The following RPGRIP1L variants were observed in gnomAD, a reference collection of about 807,000 sequenced individuals.
The protein encoded by RPGRIP1L is RPGRIP1 like.
Under a neutral mutation model 160.4 loss-of-function variants are expected in RPGRIP1L, and 131 were observed. That is an observed-to-expected ratio of 0.82 (90% confidence interval 0.71 to 0.94). The LOEUF is 0.94. Ranked by LOEUF, RPGRIP1L falls within the 40% of genes least tolerant of loss-of-function variation. RPGRIP1L has a pLI of 0.00. For missense variants in RPGRIP1L, 1,522 were observed against 1,535.8 expected (o/e 0.99, Z 0.15); for synonymous variants, 510 against 515.8 (o/e 0.99, Z 0.15).
chr16:53,672,899 T>C lies in RPGRIP1L; in HGVS notation c.1000A>G (p.Met334Val), dbSNP rs1182455258. The C allele has an allele frequency of 1.9e-6, 3 of 1,613,026 alleles. No individual in the cohort carries two copies. The highest frequency in any genetic ancestry group is 1.3e-5 in the African/African-American group (1 of 74,918). Residue 334 changes from methionine (M) to valine (V), a missense_variant, in exon 8 of 27, where the codon ATG becomes GTG. Met to Val is a conservative substitution (Grantham distance 21). Coordinates refer to ENST00000647211, the MANE Select transcript of RPGRIP1L (RefSeq NM_015272.5). ...CCSLEKQLHS[M>V]KFSERRIEEL... ...TCTATTCTTCTTTCAGAAAACTTCA[T>C]AGAATGTAATTGTTTCTCAAGACTG...
chr16:53,628,717 TC>T (rs1364458183), intron 22 of RPGRIP1L: 1 of 152,182 alleles, frequency 6.6e-6, no homozygotes, highest in Non-Finnish European at 1.5e-5. Context: ...GTGGCAGTAA[TC>T]TATCTTTTCT....
At chr16:53,653,399 T>G in intron 14 of RPGRIP1L, 1 of 966,898 alleles carries the variant, frequency 1.0e-6, no homozygotes, top group South Asian at 4.0e-5. Context: ...ATTTATACTT[T>G]TCTTCTTCGT....
At chr16:53,691,598 C>CTTT (rs905759872) in intron 4 of RPGRIP1L, among the ~76,000 whole-genome samples, 8 of 152,292 alleles carry the variant, frequency 5.3e-5, no homozygotes, top group Admixed American at 2.0e-4. Flanking sequence ...AAGGACCCAA[C>CTTT]TTTTTAAACC....
At chr16:53,624,766 TCCCCC>T (rs1964970348) in intron 22 of RPGRIP1L, among the ~76,000 whole-genome samples, 1 of 64,108 alleles carries the variant, frequency 1.6e-5, no homozygotes, top group Non-Finnish European at 3.1e-5. Context: ...CCCCTCCCCC[TCCCCC>T]TCCCCCTCGT....
At chr16:53,659,203 T>A (rs775713786) in intron 10 of RPGRIP1L, 20 of 981,492 alleles carry the variant, frequency 2.0e-5, no homozygotes, top group Non-Finnish European at 2.3e-5. Flanking sequence ...AAATCTGTGA[T>A]TTTTTACTTA....
Position 53,637,698 on chromosome 16 carries a change from C to G in RPGRIP1L, c.3217G>C (p.Glu1073Gln). Residue 1073 changes from glutamate (E) to glutamine (Q), a missense_variant, in exon 21 of 27, where the codon GAA becomes CAA. Physicochemically the swap from Glu to Gln is conservative, Grantham distance 29. Transcript: ENST00000647211. ...TTAGTTTAAATAAGAAAGTCACCTT[C>G]TGGTTCCAAGTCCTCTGTTATTTCT... ...ETEITEDLEPEVEEDMSASDS... is the reference protein window; with the variant it reads ...ETEITEDLEPQVEEDMSASDS... 1 of 1,607,964 alleles carries G rather than the reference C, an allele frequency of 6.2e-7. No individual in the cohort carries two copies. The highest frequency in any genetic ancestry group is 8.5e-7 in the Non-Finnish European group (1 of 1,179,610).
At chr16:53,663,078 A>G (rs80298294) in intron 10 of RPGRIP1L, among the ~76,000 whole-genome samples, 7,781 of 152,056 alleles carry the variant, frequency 0.051, 396 homozygotes, top group East Asian at 0.3. Flanking sequence ...GAAAGGACAT[A>G]AATCAAATAT....
intron 6 of RPGRIP1L, among the ~76,000 whole-genome samples, chr16:53,678,559 C>G (rs1439434446): frequency 1.3e-5 from 2 of 152,110 alleles, no homozygotes; most frequent in Non-Finnish European, 2.9e-5. Flanking sequence ...TCCCCTCCCC[C>G]ACCCTTTGCC....
In RPGRIP1L at chr16:53,645,695, G is replaced by T. The variant is rs748285506; in HGVS notation, c.2613C>A (p.Thr871=). The T allele has an allele frequency of 2.5e-6, 4 of 1,613,840 alleles. No homozygotes were observed. The South Asian group carries it at 3.3e-5, about 13-fold the overall frequency. ...LSFYVFDDSD[T]QENIYIGKVN... is the part of the protein sequence containing the mutation. ...CTTTTCCTATGTAAATATTCTCCTG[G>T]GTATCACTATCATCAAAAACATAAA... The change falls in exon 17 of 27, where the codon ACC becomes ACA. Residue 871 remains threonine (T), a synonymous_variant. Transcript: ENST00000647211.
chr16:53,606,024 G>A (rs1963660750), intron 25 of RPGRIP1L, among the ~76,000 whole-genome samples: 1 of 152,140 alleles, frequency 6.6e-6, no homozygotes, highest in African/African-American at 2.4e-5. Context: ...ATTTCCTATA[G>A]AAACACACAA....
intron 19 of RPGRIP1L, among the ~76,000 whole-genome samples, chr16:53,640,119 G>C (rs531642154): frequency 6.6e-6 from 1 of 152,240 alleles, no homozygotes; most frequent in South Asian, 2.1e-4. Context: ...GGATGACCTG[G>C]GTGTAGGGGT....
intron 5 of RPGRIP1L, 27 bp from the exon 6 acceptor site, chr16:53,686,603 T>C (rs759344696): frequency 2.5e-6 from 4 of 1,612,832 alleles, no homozygotes; most frequent in Non-Finnish European, 3.4e-6. Flanking sequence ...CTGTAAGAAC[T>C]TGTAGTTTGA....
chr16:53,625,929 G>T (rs1965128127), intron 22 of RPGRIP1L, among the ~76,000 whole-genome samples: 1 of 151,882 alleles, frequency 6.6e-6, no homozygotes, highest in Non-Finnish European at 1.5e-5. Context: ...TTGTTAAACA[G>T]ATGCTTGAAG....
At chr16:53,694,335 G>A (rs1970589411) in intron 3 of RPGRIP1L, 1 of 150,954 alleles carries the variant, frequency 6.6e-6, no homozygotes, top group South Asian at 2.1e-4. Context: ...TACTCGGGAG[G>A]CTGAGGCAGG....
At chr16:53,698,157 T>G (rs1374975720) in intron 2 of RPGRIP1L, among the ~76,000 whole-genome samples, 38 of 147,092 alleles carry the variant, frequency 2.6e-4, no homozygotes, top group African/African-American at 9.5e-4. Flanking sequence ...GAGGAGCCCC[T>G]CCGCCCGGCA....
intron 22 of RPGRIP1L, among the ~76,000 whole-genome samples, chr16:53,630,922 A>G (rs1343799087): frequency 6.6e-6 from 1 of 152,022 alleles, no homozygotes; most frequent in Non-Finnish European, 1.5e-5. Flanking sequence ...TAGTAGAGAC[A>G]GGGTTTCACC....
At chr16:53,688,320 T>C (rs779092790) in intron 4 of RPGRIP1L, among the ~76,000 whole-genome samples, 2 of 152,060 alleles carry the variant, frequency 1.3e-5, no homozygotes, top group Non-Finnish European at 2.9e-5. Flanking sequence ...AAACCTGATT[T>C]TTTCCCCAGT....
At chr16:53,633,082 T>C (rs1965619776) in intron 22 of RPGRIP1L, among the ~76,000 whole-genome samples, 1 of 152,204 alleles carries the variant, frequency 6.6e-6, no homozygotes, top group South Asian at 2.1e-4. Context: ...AGGATGTACT[T>C]AGCACATAAC....
rs568337154 is a variant in RPGRIP1L, at chr16:53,668,816, T to C, written c.1103+2694A>G. ...CTCAACTTTTAAATTGAACATTTATTAAAGTTATACTTACTTCTTGGCAGT... is the reference window on the plus strand; with the variant it reads ...CTCAACTTTTAAATTGAACATTTATCAAAGTTATACTTACTTCTTGGCAGT... On this transcript the variant is annotated intron_variant, in intron 9 of 26. Transcript: ENST00000647211. 6.0e-4 allele frequency among the ~76,000 whole-genome samples: 92 copies of C among 152,302 alleles called. 4 individuals carry two copies. In the South Asian group the frequency reaches 0.018, roughly 30 times the overall value.
Sources: allele counts gnomAD v4.1 joint callset (sites outside exome capture counted in the v4.1 genomes callset), GRCh38; gene constraint gnomAD v4.1.1; transcripts MANE v1.5; gene names NCBI Gene and HGNC (gene_info 2026-07-23, HGNC 2026-07-21).